Variants in SNRK observed in about 807,000 individuals in gnomAD.
The protein encoded by SNRK is SNF related kinase, also known as SNF-related serine/threonine-protein kinase.
A neutral mutation model predicts 48.2 loss-of-function variants in SNRK; 3 were observed. The observed-to-expected ratio is 0.06, with a 90% CI of 0.03 to 0.16. SNRK has a LOEUF of 0.16. SNRK is among the 10% of genes least tolerant of loss of function. The pLI is 1.00. For missense variants in SNRK, 627 were observed against 976.0 expected (o/e 0.64, Z 4.76); for synonymous variants, 376 against 366.1 (o/e 1.03, Z -0.31).
intron 3 of SNRK, among the ~76,000 whole-genome samples, chr3:43,322,218 A>C (rs543214012): frequency 6.6e-6 from 1 of 152,372 alleles, no homozygotes; most frequent in South Asian, 2.1e-4. Context: ...GAATTAATTA[A>C]TTGACTGGAA....
chr3:43,295,423 A>G lies in SNRK; in HGVS notation c.-168-4331A>G, dbSNP rs562646842. Among the ~76,000 whole-genome samples the G allele has an allele frequency of 3.5e-4, 54 of 152,344 alleles. 2 individuals carry two copies. The highest frequency in any genetic ancestry group is 1.3e-3 in the African/African-American group (52 of 41,582). ...CCCATCAAATTGATGAAAACGAAGA[A>G]CATACTTTAGTAAGCAGCTACCTTG... On this transcript the variant is annotated intron_variant, in intron 1 of 6. Coordinates refer to ENST00000296088, the MANE Select transcript of SNRK (RefSeq NM_017719.5).
At chr3:43,311,786 T>C (rs1439199470) in intron 3 of SNRK, among the ~76,000 whole-genome samples, 3 of 152,090 alleles carry the variant, frequency 2.0e-5, no homozygotes, top group Non-Finnish European at 4.4e-5. Context: ...TCCTGTGGGG[T>C]GGCCTGCTTG....
rs148653089 is a variant in SNRK, at chr3:43,326,609, T to C, written c.590-5560T>C. Among the ~76,000 whole-genome samples, 464 of 152,268 alleles carry C rather than the reference T, an allele frequency of 3.0e-3. 5 individuals carry two copies. The highest frequency in any genetic ancestry group is 0.011 in the African/African-American group (442 of 41,560). ...CAGTGTGGGAAGACCTTGGGGAAGA[T>C]GAGGATCATTGGAGGATTTGAAGCA... is the stretch of plus-strand genomic sequence containing the variant. On this transcript the variant is annotated intron_variant, in intron 3 of 6. Transcript: ENST00000296088.
At chr3:43,311,603 G>C (rs1249235888) in intron 3 of SNRK, among the ~76,000 whole-genome samples, 1 of 152,200 alleles carries the variant, frequency 6.6e-6, no homozygotes. Context: ...TCCTGTGGTA[G>C]AGTGCAGTGC....
At chr3:43,315,650 A>G (rs184976951) in intron 3 of SNRK, among the ~76,000 whole-genome samples, 53 of 152,326 alleles carry the variant, frequency 3.5e-4, no homozygotes, top group Non-Finnish European at 4.6e-4. Flanking sequence ...GGTTAGGGAA[A>G]GAAGTTTGAT....
At chr3:43,296,722 A>T (rs1053942998) in intron 1 of SNRK, among the ~76,000 whole-genome samples, 5 of 152,114 alleles carry the variant, frequency 3.3e-5, no homozygotes, top group African/African-American at 1.2e-4. Context: ...TGAGACTGCA[A>T]TGGTGATGAT....
rs2090765332 is a variant in SNRK at position 43,286,647 on chromosome 3, T to TGCGG, written c.-196_-193dup. 1 of 149,532 alleles carries TGCGG rather than the reference T, an allele frequency of 6.7e-6. No individual in the cohort carries two copies. Among genetic ancestry groups the TGCGG allele is most frequent in the Non-Finnish European group, 1.5e-5 (1 of 67,050 alleles). 9.3% of individuals were successfully genotyped at this position (149,532 alleles called of 1,614,324 possible). A position where few individuals can be genotyped will look rare whatever the true frequency, so the allele number is the denominator to read the frequency against. On this transcript the variant is annotated 5_prime_UTR_variant, in exon 1 of 7. The change creates a premature stop within an existing upstream ORF in the 5' untranslated region. Transcript: ENST00000296088. ...AGGGAGTTGTCGGCGCCGCGGCCGC[T>TGCGG]GCGGACGGACGCTCGCCTGCCGGCT...
In SNRK at chr3:43,347,281, A is replaced by G. The variant is rs1002582537; in HGVS notation, c.1080-58A>G. 3.9e-5 allele frequency: 58 copies of G among 1,482,612 alleles called. No individual in the cohort carries two copies. Among genetic ancestry groups the G allele is most frequent in the Non-Finnish European group, 5.2e-5 (58 of 1,109,996 alleles). 91.8% of individuals were successfully genotyped at this position (1,482,612 alleles called of 1,614,324 possible). A position where few individuals can be genotyped will look rare whatever the true frequency, so the allele number is the denominator to read the frequency against. On this transcript the variant is annotated intron_variant, in intron 6 of 6. Coordinates refer to ENST00000296088, the MANE Select transcript of SNRK (RefSeq NM_017719.5). The surrounding 1 kb of genome is among the most constrained non-coding windows in gnomAD (Gnocchi z 5.4). Reference sequence around the variant, plus strand: ...CAGTAAGTTCATTGTGATGTACTTTACTATCATCTGCATAATGATTATATG... The same window carrying G: ...CAGTAAGTTCATTGTGATGTACTTTGCTATCATCTGCATAATGATTATATG...
intron 1 of SNRK, among the ~76,000 whole-genome samples, chr3:43,294,623 C>T: frequency 6.6e-6 from 1 of 152,132 alleles, no homozygotes; most frequent in East Asian, 1.9e-4. Flanking sequence ...AGAAAGGTAG[C>T]TTGCTTGCAG....
chr3:43,343,564 C>A, intron 6 of SNRK, 86 bp downstream of exon 6: 1 of 1,395,738 alleles, frequency 7.2e-7, no homozygotes, highest in Non-Finnish European at 9.8e-7. Flanking sequence ...CTTCCTAACT[C>A]TTTGGGGCAA....
rs1260949653 is a variant in SNRK, at chr3:43,350,063, T to C, written c.*1506T>C. The C allele has an allele frequency of 6.6e-6, 1 of 152,370 alleles. No homozygotes were observed. Among genetic ancestry groups the C allele is most frequent in the East Asian group, 1.9e-4 (1 of 5,204 alleles). 9.4% of individuals were successfully genotyped at this position (152,370 alleles called of 1,614,324 possible). A position where few individuals can be genotyped will look rare whatever the true frequency, so the allele number is the denominator to read the frequency against. Reference sequence around the variant, plus strand: ...CAAGTACACACTGACTCTGCTACTTTAGGATAAATATATTTTACTCAGAAC... The same window carrying C: ...CAAGTACACACTGACTCTGCTACTTCAGGATAAATATATTTTACTCAGAAC... On this transcript the variant is annotated 3_prime_UTR_variant, in exon 7 of 7. Coordinates refer to ENST00000296088, the MANE Select transcript of SNRK (RefSeq NM_017719.5).
intron 4 of SNRK, chr3:43,333,440 T>C (rs886845153): frequency 5.4e-5 from 8 of 149,356 alleles, no homozygotes; most frequent in Non-Finnish European, 1.0e-4. Context: ...CATTTACTAA[T>C]GATGTCAGAG....
At position 43,300,301 on chromosome 3, in the gene SNRK, T is replaced by C. The variant is rs151166599; in HGVS notation, c.-107+486T>C. 2.0e-5 allele frequency among the ~76,000 whole-genome samples: 3 copies of C among 152,264 alleles called. No individual in the cohort carries two copies. The East Asian group carries it at 5.8e-4, about 29-fold the overall frequency. On this transcript the variant is annotated intron_variant, in intron 2 of 6. Transcript: ENST00000296088. ...AAACATTAGGGTTTAATAGTACTTA[T>C]CTCTAGGTGTCTGAGGCTCTGAAAA... is the stretch of plus-strand genomic sequence containing the variant.
chr3:43,324,558 G>A lies in SNRK; in HGVS notation c.590-7611G>A, dbSNP rs1175781558. Among the ~76,000 whole-genome samples, 5 of 151,734 alleles carry A rather than the reference G, an allele frequency of 3.3e-5. No homozygotes were observed. The East Asian group carries it at 7.7e-4, about 23-fold the overall frequency. On this transcript the variant is annotated intron_variant, in intron 3 of 6. Coordinates refer to ENST00000296088, the MANE Select transcript of SNRK (RefSeq NM_017719.5). ...ATCTTACTGGCATTAAATATGCACT[G>A]CTTTCATAATCTGAAAGAAGTAAGT...
chr3:43,313,633 C>T (rs1231905593), intron 3 of SNRK, among the ~76,000 whole-genome samples: 1 of 152,106 alleles, frequency 6.6e-6, no homozygotes, highest in African/African-American at 2.4e-5. Context: ...GAAATCTCCA[C>T]ATGTGATAAA....
At chr3:43,317,738 C>G (rs2091024209) in intron 3 of SNRK, among the ~76,000 whole-genome samples, 1 of 152,158 alleles carries the variant, frequency 6.6e-6, no homozygotes, top group Non-Finnish European at 1.5e-5. Context: ...CACTCTTGCC[C>G]CTGATTTTCT....
chr3:43,324,265 T>C (rs2091077377), intron 3 of SNRK, among the ~76,000 whole-genome samples: 1 of 152,190 alleles, frequency 6.6e-6, no homozygotes, highest in South Asian at 2.1e-4. Flanking sequence ...ATCCGAGCAC[T>C]TTGGGAGGCC....
intron 3 of SNRK, among the ~76,000 whole-genome samples, chr3:43,304,764 C>T (rs2090924426): frequency 6.6e-6 from 1 of 151,996 alleles, no homozygotes; most frequent in African/African-American, 2.4e-5. Context: ...GACAAAGGTG[C>T]ACTTAACATT....
intron 3 of SNRK, among the ~76,000 whole-genome samples, chr3:43,331,886 A>G (rs2091149152): frequency 6.6e-6 from 1 of 152,164 alleles, no homozygotes; most frequent in African/African-American, 2.4e-5. Context: ...GGGCACCTGG[A>G]TACTTTTCAG....
Sources: allele counts gnomAD v4.1 joint callset (sites outside exome capture counted in the v4.1 genomes callset), GRCh38; gene constraint gnomAD v4.1.1; non-coding constraint Gnocchi (gnomAD v3.1); transcripts MANE v1.5; gene names NCBI Gene and HGNC (gene_info 2026-07-23, HGNC 2026-07-21).